LMO1: variants seen among roughly 807,000 people sequenced by gnomAD.
LMO1 encodes LIM domain only 1, also known as rhombotin-1.
A neutral mutation model predicts 18.0 loss-of-function variants in LMO1; 10 were observed. That is an observed-to-expected ratio of 0.55 (90% CI 0.34 to 0.94). LMO1 has a LOEUF of 0.94. Ranked by LOEUF, LMO1 falls within the 40% of genes least tolerant of loss-of-function variation. The pLI is 0.02. For missense variants in LMO1, 183 were observed against 205.7 expected, an observed-to-expected ratio of 0.89 and a Z score of 0.68; for synonymous variants, 77 against 77.9, an observed-to-expected ratio of 0.99 and a Z score of 0.06.
intron 3 of LMO1, chr11:8,226,748 G>C (rs768191467): frequency 7.4e-6 from 5 of 675,058 alleles, no homozygotes; most frequent in Non-Finnish European, 1.1e-5. Flanking sequence ...ACAGAAATGT[G>C]CCACACAGAT....
intron 1 of LMO1, among the ~76,000 whole-genome samples, chr11:8,258,496 G>T (rs1416421796): frequency 3.3e-5 from 5 of 152,208 alleles, no homozygotes; most frequent in Non-Finnish European, 5.9e-5. Context: ...GCTGAACCTC[G>T]TGTTTCCTTT....
chr11:8,234,899 T>A (rs538208304), intron 1 of LMO1, among the ~76,000 whole-genome samples: 2 of 152,344 alleles, frequency 1.3e-5, no homozygotes, highest in East Asian at 3.9e-4. Context: ...AGAGTGAGAC[T>A]GAGGCTAAGA....
In LMO1 at chr11:8,263,447, C is replaced by A; in HGVS notation, c.-85G>T. 6.4e-7 allele frequency: 1 copy of A among 1,572,468 alleles called. No homozygotes were observed. ...GGCGCGCTTTGGAGGGGCGGCCGGT[C>A]TTCGGGCAGCTAGCGGGCTCTAATT... On this transcript the variant is annotated 5_prime_UTR_variant, in exon 1 of 4. Coordinates refer to ENST00000335790, the MANE Select transcript of LMO1 (RefSeq NM_002315.3).
intron 1 of LMO1, among the ~76,000 whole-genome samples, chr11:8,233,981 A>G (rs1952717280): frequency 6.6e-6 from 1 of 152,226 alleles, no homozygotes; most frequent in Non-Finnish European, 1.5e-5. Flanking sequence ...TCACCCATGA[A>G]AACACTGATA....
chr11:8,231,337 G>C (rs567870100), intron 1 of LMO1, among the ~76,000 whole-genome samples: 4 of 152,238 alleles, frequency 2.6e-5, no homozygotes, highest in Admixed American at 6.5e-5. Flanking sequence ...CTCCCGTCGC[G>C]GCAGGCGAGC....
At chr11:8,259,081 G>A (rs1051027883) in intron 1 of LMO1, among the ~76,000 whole-genome samples, 6 of 152,144 alleles carry the variant, frequency 3.9e-5, no homozygotes, top group Non-Finnish European at 7.3e-5. Flanking sequence ...GCCAATAGCC[G>A]TTAAAAGCAA....
chr11:8,256,486 T>C (rs558909068), intron 1 of LMO1, among the ~76,000 whole-genome samples: 2 of 152,320 alleles, frequency 1.3e-5, no homozygotes, highest in South Asian at 2.1e-4. Context: ...GAGGAGCTAG[T>C]GACCTGAGCC....
intron 1 of LMO1, among the ~76,000 whole-genome samples, chr11:8,243,004 T>G (rs1007476002): frequency 1.3e-5 from 2 of 152,184 alleles, no homozygotes; most frequent in African/African-American, 4.8e-5. Context: ...CCTGCTTCCT[T>G]CTTGAAGCCG....
At chr11:8,250,358 T>C (rs1846968313) in intron 1 of LMO1, among the ~76,000 whole-genome samples, 1 of 152,254 alleles carries the variant, frequency 6.6e-6, no homozygotes, top group African/African-American at 2.4e-5. Context: ...CCAATTTTAA[T>C]TTCTTCCTGG....
At chr11:8,268,324 C>A, upstream of LMO1, 6 of 1,033,800 alleles carry the variant, frequency 5.8e-6, no homozygotes, top group Non-Finnish European at 7.9e-6. Flanking sequence ...GTGCTGAGGG[C>A]TCTGCCGCCG....
At chr11:8,268,398 G>T, upstream of LMO1, 1 of 1,466,556 alleles carries the variant, frequency 6.8e-7, no homozygotes, top group Non-Finnish European at 9.0e-7. Context: ...CGTGCCCCCG[G>T]GCACCGGCAC....
rs556382496 is a variant in LMO1, at chr11:8,226,838, C to T, written c.365+137G>A. The T allele has an allele frequency of 1.3e-5, 19 of 1,413,288 alleles. No homozygotes were observed. The African/African-American group carries it at 1.4e-4, about 11-fold the overall frequency. The allele number at this position is 1,413,288 out of a possible 1,614,324, so 87.5% of individuals were successfully genotyped here. ...AAAACACATAAAGCACATGCACGCT[C>T]ATAACCTGCACGCACCACCACATAC... On this transcript the variant is annotated intron_variant, in intron 3 of 3. Transcript: ENST00000335790.
chr11:8,257,324 C>A (rs1026796695), intron 1 of LMO1, among the ~76,000 whole-genome samples: 1 of 152,184 alleles, frequency 6.6e-6, no homozygotes, highest in Non-Finnish European at 1.5e-5. Flanking sequence ...ACAGGACAGG[C>A]AAGCAAGATG....
chr11:8,253,339 GA>G, intron 1 of LMO1, among the ~76,000 whole-genome samples: 1 of 152,326 alleles, frequency 6.6e-6, no homozygotes, highest in South Asian at 2.1e-4. Flanking sequence ...GGAGGACAGA[GA>G]AATGGCACCA....
chr11:8,250,566 G>A (rs1024462429), intron 1 of LMO1, among the ~76,000 whole-genome samples: 4 of 152,222 alleles, frequency 2.6e-5, no homozygotes, highest in Non-Finnish European at 5.9e-5. Flanking sequence ...GTGCCTGAGG[G>A]AGCCCTGCCC....
At chr11:8,240,021 G>A (rs1846757624) in intron 1 of LMO1, among the ~76,000 whole-genome samples, 1 of 152,190 alleles carries the variant, frequency 6.6e-6, no homozygotes, top group Non-Finnish European at 1.5e-5. Context: ...GCAGATCCAG[G>A]CTGCTGGCCA....
intron 1 of LMO1, among the ~76,000 whole-genome samples, chr11:8,251,028 G>C (rs1846982839): frequency 6.6e-6 from 1 of 152,170 alleles, no homozygotes; most frequent in East Asian, 1.9e-4. Flanking sequence ...AAGGGCAACA[G>C]ATGCTCTCAC....
chr11:8,231,029 T>C (rs1435283215), intron 1 of LMO1, among the ~76,000 whole-genome samples: 1 of 152,128 alleles, frequency 6.6e-6, no homozygotes, highest in African/African-American at 2.4e-5. Flanking sequence ...AAGAAGGAAG[T>C]GAGACGCCCC....
At position 8,230,430 on chromosome 11, in the gene LMO1, G is replaced by A; in HGVS notation, c.100C>T (p.Arg34Cys). The A allele has an allele frequency of 4.3e-6, 7 of 1,614,048 alleles. No individual in the cohort carries two copies. The highest frequency in any genetic ancestry group is 5.9e-6 in the Non-Finnish European group (7 of 1,179,948). Reference protein sequence around the residue: ...CAGCNRKIKDRYLLKALDKYW... With the variant: ...CAGCNRKIKDCYLLKALDKYW... Reference sequence around the variant, plus strand: ...TTGTCCAATGCCTTCAGCAGATAGCGGTCCTTGATCTTGCGGTTACAGCCC... The same window carrying A: ...TTGTCCAATGCCTTCAGCAGATAGCAGTCCTTGATCTTGCGGTTACAGCCC... The change falls in exon 2 of 4, where the codon CGC becomes TGC. Residue 34 changes from arginine (R) to cysteine (C), a missense_variant. By Grantham distance (180) the Arg-to-Cys change is radical. Coordinates refer to ENST00000335790, the MANE Select transcript of LMO1 (RefSeq NM_002315.3).
Sources: gnomAD v4.1 joint callset for allele counts (sites outside exome capture counted in the v4.1 genomes callset) on GRCh38, gnomAD v4.1.1 for gene constraint, MANE v1.5 for transcripts, NCBI Gene and HGNC (gene_info 2026-07-23, HGNC 2026-07-21) for gene names.